The following RARB variants were observed in gnomAD, a reference collection of about 807,000 sequenced individuals.
The protein encoded by RARB is retinoic acid receptor beta.
A neutral mutation model predicts 51.9 loss-of-function variants in RARB; 17 were observed. That is an observed-to-expected ratio of 0.33 (90% CI 0.22 to 0.49). The LOEUF (loss-of-function observed/expected upper bound fraction) is 0.49, where lower values mean the gene tolerates loss of function less well. Among genes scored for constraint, RARB ranks in the 20% least tolerant of loss-of-function variants. The pLI is 0.99. For missense variants in RARB, 369 were observed against 550.8 expected (o/e 0.67, Z 3.30); for synonymous variants, 215 against 195.4 (o/e 1.10, Z -0.84).
At chr3:25,325,545 C>A (rs888978920) in intron 5 of RARB, among the ~76,000 whole-genome samples, 4 of 150,640 alleles carry the variant, frequency 2.7e-5, no homozygotes, top group Admixed American at 6.6e-5. Flanking sequence ...CCAAATACCC[C>A]CCAGGCACTT....
chr3:25,444,971 A>T (rs1708864209), intron 1 of RARB, among the ~76,000 whole-genome samples: 2 of 151,420 alleles, frequency 1.3e-5, no homozygotes, highest in South Asian at 4.2e-4. Flanking sequence ...TTTTTTGGAG[A>T]CAGAATCTTG....
chr3:25,537,722 T>A (rs766616401), intron 3 of RARB, among the ~76,000 whole-genome samples: 47 of 152,354 alleles, frequency 3.1e-4, no homozygotes, highest in Admixed American at 1.2e-3. Context: ...TCTTCTTGAA[T>A]GCCTGGAGCA....
At chr3:24,846,393 A>G (rs1702486178) in intron 1 of RARB, among the ~76,000 whole-genome samples, 1 of 152,230 alleles carries the variant, frequency 6.6e-6, no homozygotes, top group Non-Finnish European at 1.5e-5. Context: ...TTCCAGGAGA[A>G]CTGGTATCCA....
intron 2 of RARB, among the ~76,000 whole-genome samples, chr3:24,962,877 C>T (rs1453438931): frequency 1.3e-5 from 2 of 152,138 alleles, no homozygotes; most frequent in Non-Finnish European, 2.9e-5. Flanking sequence ...CTCTTAGCTA[C>T]TTTTTAAGGT....
intron 2 of RARB, among the ~76,000 whole-genome samples, chr3:25,034,751 A>G (rs892179943): frequency 6.6e-6 from 1 of 152,192 alleles, no homozygotes; most frequent in Middle Eastern, 3.4e-3. Context: ...TCACAGAACG[A>G]ATGATTTGAA....
chr3:24,991,516 T>C (rs62228467), intron 2 of RARB, among the ~76,000 whole-genome samples: 5,020 of 152,176 alleles, frequency 0.033, 109 homozygotes, highest in Middle Eastern at 0.11. Context: ...TCTTACTCTT[T>C]TTAATTTTTC....
intron 5 of RARB, among the ~76,000 whole-genome samples, chr3:25,188,766 T>C (rs556123488): frequency 8.1e-4 from 123 of 152,118 alleles, no homozygotes; most frequent in Non-Finnish European, 1.5e-3. Context: ...ATAGATAATA[T>C]GAGGTATTTC....
chr3:25,278,654 C>T (rs190687348), intron 5 of RARB, among the ~76,000 whole-genome samples: 1 of 152,232 alleles, frequency 6.6e-6, no homozygotes, highest in East Asian at 1.9e-4. Context: ...TGGGTAGAAA[C>T]CCAGATATAG....
At chr3:24,836,452 A>G (rs1333185991) in intron 1 of RARB, among the ~76,000 whole-genome samples, 1 of 152,176 alleles carries the variant, frequency 6.6e-6, no homozygotes, top group East Asian at 1.9e-4. Context: ...CAACAGCTTC[A>G]TGACTGGAGA....
chr3:25,041,853 T>G (rs1471718887), intron 2 of RARB, among the ~76,000 whole-genome samples: 1 of 152,132 alleles, frequency 6.6e-6, no homozygotes, highest in Non-Finnish European at 1.5e-5. Flanking sequence ...TAATTCAGAA[T>G]TAATTAAATT....
At chr3:25,511,617 C>A (rs556747831) in intron 3 of RARB, among the ~76,000 whole-genome samples, 4 of 152,248 alleles carry the variant, frequency 2.6e-5, no homozygotes, top group African/African-American at 9.6e-5. Context: ...CTTCAAAGGA[C>A]TGAAGTTTGA....
At chr3:25,290,306 C>T (rs1278754155) in intron 5 of RARB, among the ~76,000 whole-genome samples, 1 of 152,116 alleles carries the variant, frequency 6.6e-6, no homozygotes, top group African/African-American at 2.4e-5. Context: ...AAGATTAGGA[C>T]ACAGGCATGA....
rs117491650 is a variant in RARB at position 25,161,399 on chromosome 3, G to A, written c.-279-12720G>A. On this transcript the variant is annotated intron_variant, in intron 4 of 11. Transcript: ENST00000383772. ...ATTGCAAAGTCCTTTTGCCATATGA[G>A]GTAATGTTCTCAGGTTCTGGGAATT... Among the ~76,000 whole-genome samples the A allele has an allele frequency of 2.1e-3, 316 of 152,100 alleles. 2 individuals carry two copies. Among genetic ancestry groups the A allele is most frequent in the East Asian group, 0.02 (104 of 5,164 alleles).
At chr3:25,310,586 A>G (rs752122640) in intron 5 of RARB, among the ~76,000 whole-genome samples, 39 of 152,310 alleles carry the variant, frequency 2.6e-4, no homozygotes, top group Non-Finnish European at 4.1e-4. Context: ...GTGATTGTCC[A>G]TGAACACTTT....
In RARB at chr3:25,487,822, C is replaced by T. The variant is rs552468724; in HGVS notation, c.307-13360C>T. On this transcript the variant is annotated intron_variant, in intron 2 of 7. Coordinates refer to ENST00000330688, the MANE Select transcript of RARB (RefSeq NM_000965.5). Reference sequence around the variant, plus strand: ...GGGTCTATTCTAATGCTCACTAAGGCGTCATGCTCTGTTCTAATGTGCCTC... The same window carrying T: ...GGGTCTATTCTAATGCTCACTAAGGTGTCATGCTCTGTTCTAATGTGCCTC... Among the ~76,000 whole-genome samples, 8 of 152,266 alleles carry T rather than the reference C, an allele frequency of 5.3e-5. No individual in the cohort carries two copies. The South Asian group carries it at 8.3e-4, about 16-fold the overall frequency.
At chr3:25,372,853 C>G (rs1157728357) in intron 5 of RARB, among the ~76,000 whole-genome samples, 1 of 152,018 alleles carries the variant, frequency 6.6e-6, no homozygotes. Flanking sequence ...AAAACGTAAA[C>G]TTAAAAAATT....
At chr3:25,433,010 T>C (rs1016250321) in intron 1 of RARB, among the ~76,000 whole-genome samples, 12 of 152,204 alleles carry the variant, frequency 7.9e-5, no homozygotes, top group Non-Finnish European at 1.5e-4. Context: ...TATCCTTAAA[T>C]GACATTTTTA....
chr3:25,362,407 G>A (rs574403347), intron 5 of RARB, among the ~76,000 whole-genome samples: 3 of 152,208 alleles, frequency 2.0e-5, no homozygotes, highest in Non-Finnish European at 4.4e-5. Flanking sequence ...CATTCCAGTG[G>A]ATTTTAGCTT....
At chr3:25,168,539 A>G (rs1700594767) in intron 4 of RARB, among the ~76,000 whole-genome samples, 1 of 152,194 alleles carries the variant, frequency 6.6e-6, no homozygotes, top group Admixed American at 6.5e-5. Context: ...AACTATTCTT[A>G]ATATCCTAAA....
Sources: gnomAD v4.1 joint callset for allele counts (sites outside exome capture counted in the v4.1 genomes callset) on GRCh38, gnomAD v4.1.1 for gene constraint, MANE v1.5 for transcripts, NCBI Gene and HGNC (gene_info 2026-07-23, HGNC 2026-07-21) for gene names.